The following CCSER1 variants were observed in gnomAD, a reference collection of about 807,000 sequenced individuals.
CCSER1 encodes serine-rich coiled-coil domain-containing protein 1.
CCSER1 carries 41 observed loss-of-function variants against 82.0 expected under a neutral mutation model. The observed-to-expected ratio is 0.50, with a 90% CI of 0.39 to 0.65. The LOEUF is 0.65. Ranked by LOEUF, CCSER1 falls within the 30% of genes least tolerant of loss-of-function variation. CCSER1 has a pLI of 0.00. For synonymous variants in CCSER1, 414 were observed against 383.9 expected (o/e 1.08, Z -0.92); for missense variants, 1,119 against 1,064.2 (o/e 1.05, Z -0.72).
intron 8 of CCSER1, among the ~76,000 whole-genome samples, chr4:90,875,618 C>A (rs145278616): frequency 6.6e-6 from 1 of 152,062 alleles, no homozygotes; most frequent in East Asian, 1.9e-4. Flanking sequence ...CACTATAGTG[C>A]GGTTACATAC....
At chr4:91,334,159 C>A (rs899800305) in intron 10 of CCSER1, among the ~76,000 whole-genome samples, 1 of 151,978 alleles carries the variant, frequency 6.6e-6, no homozygotes, top group African/African-American at 2.4e-5. Context: ...TCTTGAGATC[C>A]TAATTATGTG....
chr4:91,550,348 C>T (rs1391626849), intron 10 of CCSER1, among the ~76,000 whole-genome samples: 1 of 152,158 alleles, frequency 6.6e-6, no homozygotes, highest in East Asian at 1.9e-4. Context: ...GAGCTTTTAA[C>T]TCAAGGACTT....
intron 7 of CCSER1, chr4:90,727,159 C>G: frequency 2.3e-6 from 1 of 441,206 alleles, no homozygotes; most frequent in Non-Finnish European, 4.5e-6. Context: ...TATTTGGAAA[C>G]AAAAGGCAAA....
At chr4:90,927,586 C>T (rs1729223879) in intron 9 of CCSER1, among the ~76,000 whole-genome samples, 1 of 151,858 alleles carries the variant, frequency 6.6e-6, no homozygotes, top group African/African-American at 2.4e-5. Flanking sequence ...AATATTTTAA[C>T]ACACTTTCCA....
At chr4:90,936,166 A>G (rs914331679) in intron 9 of CCSER1, among the ~76,000 whole-genome samples, 4 of 152,172 alleles carry the variant, frequency 2.6e-5, no homozygotes, top group African/African-American at 9.6e-5. Flanking sequence ...ACAGAATTTA[A>G]TGACAATTTT....
intron 9 of CCSER1, among the ~76,000 whole-genome samples, chr4:91,035,265 C>A (rs67049312): frequency 0.15 from 22,129 of 151,736 alleles, 1,788 homozygotes; most frequent in Admixed American, 0.2. Flanking sequence ...ATCTAGGATC[C>A]CCCAAAATAT....
At chr4:90,294,578 A>G (rs751277599) in intron 1 of CCSER1, among the ~76,000 whole-genome samples, 4 of 151,942 alleles carry the variant, frequency 2.6e-5, no homozygotes, top group Non-Finnish European at 5.9e-5. Context: ...ACTGTTAATA[A>G]TTTTTGTGTA....
chr4:90,961,185 T>C (rs1248144618), intron 9 of CCSER1, among the ~76,000 whole-genome samples: 1 of 152,202 alleles, frequency 6.6e-6, no homozygotes, highest in Non-Finnish European at 1.5e-5. Context: ...CCTGTCATCA[T>C]GCGTTCCTTA....
chr4:91,146,550 G>A (rs753750065), intron 10 of CCSER1, among the ~76,000 whole-genome samples: 1 of 143,364 alleles, frequency 7.0e-6, no homozygotes, highest in Non-Finnish European at 1.5e-5. Flanking sequence ...GAGGGTGCCA[G>A]TGTTTCTTTG....
intron 10 of CCSER1, among the ~76,000 whole-genome samples, chr4:91,193,061 C>A (rs1271836069): frequency 6.6e-6 from 1 of 152,158 alleles, no homozygotes; most frequent in Non-Finnish European, 1.5e-5. Flanking sequence ...CCTGTACTGA[C>A]ATGTGTTTTG....
chr4:90,828,007 G>A (rs1417697490), intron 8 of CCSER1, among the ~76,000 whole-genome samples: 1 of 152,128 alleles, frequency 6.6e-6, no homozygotes, highest in Non-Finnish European at 1.5e-5. Flanking sequence ...ATGGTGGTTT[G>A]TGACAAAGTT....
intron 10 of CCSER1, among the ~76,000 whole-genome samples, chr4:91,126,579 G>C (rs1193734945): frequency 6.6e-6 from 1 of 151,904 alleles, no homozygotes; most frequent in Admixed American, 6.6e-5. Flanking sequence ...CTATAAATTA[G>C]ATAAAATTCA....
intron 10 of CCSER1, among the ~76,000 whole-genome samples, chr4:91,580,231 A>C (rs762875448): frequency 8.6e-5 from 13 of 151,690 alleles, no homozygotes; most frequent in Non-Finnish European, 1.3e-4. Context: ...ATCCATGGAA[A>C]TTTTCTTTTG....
At chr4:91,399,794 CA>C (rs1752209526) in intron 10 of CCSER1, among the ~76,000 whole-genome samples, 1 of 151,902 alleles carries the variant, frequency 6.6e-6, no homozygotes, top group Non-Finnish European at 1.5e-5. Context: ...CCTGGGAGTC[CA>C]AATTTGTAAT....
chr4:90,189,165 A>G (rs1214997438), intron 1 of CCSER1, among the ~76,000 whole-genome samples: 1 of 151,948 alleles, frequency 6.6e-6, no homozygotes, highest in Non-Finnish European at 1.5e-5. Context: ...TTTAGCTGCC[A>G]TGTTGTCACG....
At chr4:90,682,478 T>A (rs1021815508) in intron 6 of CCSER1, among the ~76,000 whole-genome samples, 1 of 152,030 alleles carries the variant, frequency 6.6e-6, no homozygotes, top group Non-Finnish European at 1.5e-5. Flanking sequence ...TTAGTTAAGT[T>A]CAGGTGGATT....
At chr4:91,008,942 G>T (rs907572979) in intron 9 of CCSER1, among the ~76,000 whole-genome samples, 1 of 152,182 alleles carries the variant, frequency 6.6e-6, no homozygotes, top group African/African-American at 2.4e-5. Context: ...AAGAGAGCTG[G>T]GGAACCCAGT....
At chr4:90,713,737 T>G (rs1741084854) in intron 6 of CCSER1, among the ~76,000 whole-genome samples, 1 of 152,014 alleles carries the variant, frequency 6.6e-6, no homozygotes, top group African/African-American at 2.4e-5. Context: ...CTGGAGTATG[T>G]TTTCCAGCTT....
rs192683126 is a variant in CCSER1, at chr4:90,180,415, C to T, written c.-42+52584C>T. Among the ~76,000 whole-genome samples the T allele has an allele frequency of 5.0e-4, 76 of 151,958 alleles. 1 individual carries two copies. In the Middle Eastern group the frequency reaches 0.017, roughly 34 times the overall value. ...ACCAGACTGGCCAACATGGTGAAAC[C>T]GCGTCTCTACTAAAAATACAAAAAT... On this transcript the variant is annotated intron_variant, in intron 1 of 10. Coordinates refer to ENST00000509176, the MANE Select transcript of CCSER1 (RefSeq NM_001145065.2).
Sources: gnomAD v4.1 joint callset for allele counts (sites outside exome capture counted in the v4.1 genomes callset) on GRCh38, gnomAD v4.1.1 for gene constraint, MANE v1.5 for transcripts, NCBI Gene and HGNC (gene_info 2026-07-23, HGNC 2026-07-21) for gene names.